ZFPM2: variants seen among roughly 807,000 people sequenced by gnomAD.
ZFPM2 encodes the protein zinc finger protein ZFPM2.
ZFPM2 carries 20 observed loss-of-function variants against 98.6 expected under a neutral mutation model. The ratio of observed to expected loss-of-function variants is 0.20; its 90% CI spans 0.14 to 0.29. ZFPM2 has a LOEUF of 0.29. Ranked by LOEUF, ZFPM2 falls within the 10% of genes least tolerant of loss-of-function variation. The pLI, the probability that ZFPM2 is intolerant of heterozygous loss-of-function variation, is 1.00. For missense variants in ZFPM2, 1,310 were observed against 1,388.6 expected (o/e 0.94, Z 0.90); for synonymous variants, 518 against 502.7 (o/e 1.03, Z -0.41).
rs183533757 is a variant in ZFPM2, at chr8:105,524,537, G to A, written c.302-36826G>A. Among the ~76,000 whole-genome samples the A allele has an allele frequency of 1.7e-3, 264 of 151,808 alleles. 2 individuals are homozygous for A. The highest frequency in any genetic ancestry group is 5.8e-3 in the African/African-American group (242 of 41,374). ...CACACACTGAAACTATTCAATTTTA[G>A]CATTGAAAAATGTTCAGGCCAATAC... On this transcript the variant is annotated intron_variant, in intron 3 of 7. Transcript: ENST00000407775.
intron 6 of ZFPM2, among the ~76,000 whole-genome samples, chr8:105,795,390 T>A (rs375775730): frequency 6.6e-6 from 1 of 151,602 alleles, no homozygotes; most frequent in East Asian, 2.0e-4. Flanking sequence ...ATGTTCTACA[T>A]GAGTTCAATA....
intron 4 of ZFPM2, among the ~76,000 whole-genome samples, chr8:105,606,388 A>G (rs12675726): frequency 0.2 from 30,442 of 151,772 alleles, 3,079 homozygotes; most frequent in South Asian, 0.26. Context: ...TTGTTGTAGT[A>G]TGGTGATGGA....
At chr8:105,735,969 G>T (rs1043224193) in intron 5 of ZFPM2, among the ~76,000 whole-genome samples, 18 of 152,058 alleles carry the variant, frequency 1.2e-4, no homozygotes, top group African/African-American at 4.3e-4. Flanking sequence ...CTGGAAAGAT[G>T]ATTACTCTAT....
At position 105,440,922 on chromosome 8, in the gene ZFPM2, C is replaced by T. The variant is rs189781457; in HGVS notation, c.200-3358C>T. On this transcript the variant is annotated intron_variant, in intron 2 of 7. Coordinates refer to ENST00000407775, the MANE Select transcript of ZFPM2 (RefSeq NM_012082.4). Reference sequence around the variant, plus strand: ...ATCCCAGCACCATGGGAGGCTGAGGCGGGTGGATCACGAGGTCAAGAGATC... The same window carrying T: ...ATCCCAGCACCATGGGAGGCTGAGGTGGGTGGATCACGAGGTCAAGAGATC... 1.6e-3 allele frequency among the ~76,000 whole-genome samples: 242 copies of T among 152,090 alleles called. 2 individuals are homozygous for T. The highest frequency in any genetic ancestry group is 5.7e-3 in the African/African-American group (237 of 41,516).
intron 1 of ZFPM2, among the ~76,000 whole-genome samples, chr8:105,333,177 G>C (rs1812264130): frequency 6.6e-6 from 1 of 151,732 alleles, no homozygotes. Flanking sequence ...ATTTTGTGAA[G>C]TTTAACAATT....
rs1482354627 is a variant in ZFPM2 at position 105,694,079 on chromosome 8, C to T, written c.532+59722C>T. 4.7e-5 allele frequency among the ~76,000 whole-genome samples: 7 copies of T among 147,442 alleles called. No individual in the cohort carries two copies. In the East Asian group the frequency reaches 6.1e-4, roughly 13 times the overall value. On this transcript the variant is annotated intron_variant, in intron 5 of 7. Transcript: ENST00000407775. Reference sequence around the variant, plus strand: ...TCGGCTCACTGCAAGCTCTGCCTCTCGGGTTCACACCATTCTCCTGCCTCT... The same window carrying T: ...TCGGCTCACTGCAAGCTCTGCCTCTTGGGTTCACACCATTCTCCTGCCTCT...
chr8:105,351,824 T>C (rs1336081490), intron 1 of ZFPM2, among the ~76,000 whole-genome samples: 4 of 152,116 alleles, frequency 2.6e-5, no homozygotes, highest in Non-Finnish European at 5.9e-5. Context: ...TTTTTCCCTT[T>C]GGAAAAAAGG....
intron 4 of ZFPM2, among the ~76,000 whole-genome samples, chr8:105,608,580 G>GTTTTTTT (rs397978197): frequency 9.2e-6 from 1 of 108,746 alleles, no homozygotes; most frequent in Non-Finnish European, 1.8e-5. Flanking sequence ...AACACCAAGA[G>GTTTTTTT]TTTTTTTTTT....
At chr8:105,373,875 T>G (rs1230646342) in intron 1 of ZFPM2, among the ~76,000 whole-genome samples, 3 of 152,198 alleles carry the variant, frequency 2.0e-5, no homozygotes, top group Non-Finnish European at 2.9e-5. Flanking sequence ...AAGCATTTTC[T>G]TTACCTCTGT....
At chr8:105,342,661 C>T (rs1665138355) in intron 1 of ZFPM2, among the ~76,000 whole-genome samples, 1 of 150,208 alleles carries the variant, frequency 6.7e-6, no homozygotes, top group Non-Finnish European at 1.5e-5. Context: ...AAATTGAAAA[C>T]AACAAAATTC....
chr8:105,718,966 CCTCTAA>C (rs573395003), intron 5 of ZFPM2, among the ~76,000 whole-genome samples: 55 of 151,946 alleles, frequency 3.6e-4, no homozygotes, highest in African/African-American at 1.3e-3. Context: ...CAGATTTAAG[CCTCTAA>C]CTCAAAGTCT....
intron 1 of ZFPM2, among the ~76,000 whole-genome samples, chr8:105,336,622 G>A (rs1195556205): frequency 6.7e-6 from 1 of 149,032 alleles, no homozygotes; most frequent in Non-Finnish European, 1.5e-5. Context: ...TCCCAATGAG[G>A]AAAATATTTT....
At chr8:105,489,448 T>TATATA (rs1489973438) in intron 3 of ZFPM2, among the ~76,000 whole-genome samples, 3 of 108,866 alleles carry the variant, frequency 2.8e-5, no homozygotes, top group African/African-American at 1.2e-4. Context: ...ATATATGTTT[T>TATATA]TATATATATA....
At chr8:105,472,934 C>G (rs1812937017) in intron 3 of ZFPM2, among the ~76,000 whole-genome samples, 1 of 146,296 alleles carries the variant, frequency 6.8e-6, no homozygotes, top group African/African-American at 2.6e-5. Context: ...CTTACTCTAT[C>G]CCTCAGGATG....
chr8:105,507,484 TCACTTTATTCATC>T (rs1813727532), intron 3 of ZFPM2, among the ~76,000 whole-genome samples: 1 of 152,238 alleles, frequency 6.6e-6, no homozygotes, highest in African/African-American at 2.4e-5. Flanking sequence ...CAGTTGGGCC[TCACTTTATTCATC>T]AGAATGTTTT....
intron 3 of ZFPM2, among the ~76,000 whole-genome samples, chr8:105,556,150 G>A (rs1419906301): frequency 2.6e-5 from 4 of 152,132 alleles, no homozygotes; most frequent in Non-Finnish European, 4.4e-5. Context: ...CTGAATTGGA[G>A]CTGTAGAATG....
At chr8:105,503,206 C>T (rs1176135647) in intron 3 of ZFPM2, among the ~76,000 whole-genome samples, 1 of 152,110 alleles carries the variant, frequency 6.6e-6, no homozygotes, top group Non-Finnish European at 1.5e-5. Flanking sequence ...GAAAGGCCCC[C>T]TGGAAATAAA....
intron 1 of ZFPM2, among the ~76,000 whole-genome samples, chr8:105,349,304 G>A (rs1812598891): frequency 6.6e-6 from 1 of 152,082 alleles, no homozygotes; most frequent in South Asian, 2.1e-4. Flanking sequence ...CCTTCTCAAA[G>A]GAATGGCCTG....
At chr8:105,596,946 A>C (rs2130776456) in intron 4 of ZFPM2, among the ~76,000 whole-genome samples, 1 of 151,708 alleles carries the variant, frequency 6.6e-6, no homozygotes, top group South Asian at 2.1e-4. Context: ...AAATTTAGTT[A>C]ATGCTGTTGT....
Sources: allele counts gnomAD v4.1 joint callset (sites outside exome capture counted in the v4.1 genomes callset), GRCh38; gene constraint gnomAD v4.1.1; transcripts MANE v1.5; gene names NCBI Gene and HGNC (gene_info 2026-07-23, HGNC 2026-07-21).